The following ESYT3 variants were observed in gnomAD, a reference collection of about 807,000 sequenced individuals.
ESYT3 encodes extended synaptotagmin 3.
ESYT3 carries 101 observed loss-of-function variants against 111.5 expected under a neutral mutation model. The ratio of observed to expected loss-of-function variants is 0.91; its 90% CI spans 0.77 to 1.07. The LOEUF is 1.07. ESYT3 is among the 50% of genes least tolerant of loss of function. The pLI is 0.00. For synonymous variants in ESYT3, 416 were observed against 446.8 expected, an observed-to-expected ratio of 0.93 and a Z score of 0.87; for missense variants, 1,097 against 1,109.4, an observed-to-expected ratio of 0.99 and a Z score of 0.16.
In ESYT3 at chr3:138,459,977, C is replaced by A. The variant is rs773289775; in HGVS notation, c.681C>A (p.Pro227=). Residue 227 remains proline, a synonymous_variant, in exon 6 of 23, where the codon CCC becomes CCA. Coordinates refer to ENST00000389567, the MANE Select transcript of ESYT3 (RefSeq NM_031913.5). ...LQGTLRVILE[P]LLVDKPFVGA... is the part of the protein sequence containing the mutation. The stretch of plus-strand genomic sequence containing the variant: ...GCACCCTGCGGGTCATCCTGGAGCC[C>A]CTCCTAGTGGACAAGCCCTTTGTGG... The A allele has an allele frequency of 6.2e-7, 1 of 1,614,098 alleles. No individual in the cohort carries two copies. The highest frequency in any genetic ancestry group is 8.5e-7 in the Non-Finnish European group (1 of 1,179,980).
intron 2 of ESYT3, among the ~76,000 whole-genome samples, chr3:138,453,646 G>A (rs1477630905): frequency 6.6e-6 from 1 of 152,190 alleles, no homozygotes; most frequent in South Asian, 2.1e-4. Context: ...CCAACGCCTT[G>A]TGTAGGCCTC....
chr3:138,465,717 G>C (rs2032894877), intron 10 of ESYT3, among the ~76,000 whole-genome samples: 1 of 152,136 alleles, frequency 6.6e-6, no homozygotes, highest in African/African-American at 2.4e-5. Context: ...TCCCCATTTG[G>C]AGTAGTAGAC....
At chr3:138,441,552 C>G (rs1019292383) in intron 1 of ESYT3, among the ~76,000 whole-genome samples, 2 of 152,076 alleles carry the variant, frequency 1.3e-5, no homozygotes, top group East Asian at 1.9e-4. Flanking sequence ...ATGAGCTGCC[C>G]CCTGAAGACC....
At chr3:138,447,755 T>G (rs995764384) in intron 1 of ESYT3, among the ~76,000 whole-genome samples, 18 of 152,190 alleles carry the variant, frequency 1.2e-4, no homozygotes, top group Admixed American at 1.0e-3. Flanking sequence ...TTGGAAAATT[T>G]GATCCTAAAT....
intron 3 of ESYT3, among the ~76,000 whole-genome samples, chr3:138,457,283 G>A (rs763087806): frequency 1.3e-5 from 2 of 152,304 alleles, no homozygotes; most frequent in Middle Eastern, 6.8e-3. Flanking sequence ...CGTGTAAAGG[G>A]AAAGGACCCA....
chr3:138,460,956 G>A (rs1283505777), intron 7 of ESYT3, among the ~76,000 whole-genome samples: 3 of 152,204 alleles, frequency 2.0e-5, no homozygotes, highest in Non-Finnish European at 4.4e-5. Context: ...TCAGGTCCCC[G>A]TCCTGGTGCA....
rs1339612353 is a variant in ESYT3 at position 138,479,814 on chromosome 3, C to A, written c.*2960C>A. The A allele has an allele frequency of 2.0e-5, 3 of 152,218 alleles. No individual in the cohort carries two copies. The highest frequency in any genetic ancestry group is 6.5e-5 in the Admixed American group (1 of 15,282). 9.4% of individuals were successfully genotyped at this position (152,218 alleles called of 1,614,324 possible). A position where few individuals can be genotyped will look rare whatever the true frequency, so the allele number is the denominator to read the frequency against. On this transcript the variant is annotated 3_prime_UTR_variant, in exon 23 of 23. Coordinates refer to ENST00000389567, the MANE Select transcript of ESYT3 (RefSeq NM_031913.5). ...TTTCTAACTTCCTTTCTTGTTCACTCTCCCTTACCCCTGGGGGTAAGGATC... is the reference window on the plus strand; with the variant it reads ...TTTCTAACTTCCTTTCTTGTTCACTATCCCTTACCCCTGGGGGTAAGGATC...
chr3:138,474,616 A>T (rs937180307), intron 20 of ESYT3: 2 of 299,120 alleles, frequency 6.7e-6, no homozygotes, highest in Admixed American at 9.5e-5. Context: ...TTCTGTTTAA[A>T]TGAAGTCTCT....
intron 2 of ESYT3, among the ~76,000 whole-genome samples, chr3:138,452,456 T>C (rs1024807907): frequency 1.3e-5 from 2 of 152,220 alleles, no homozygotes; most frequent in South Asian, 4.1e-4. Context: ...CTGTGCAGTC[T>C]TGGGCAGACT....
At chr3:138,467,445 C>T in intron 10 of ESYT3, 116 bp from the exon 11 acceptor site, 1 of 1,032,944 alleles carries the variant, frequency 9.7e-7, no homozygotes, top group Non-Finnish European at 1.5e-6. Context: ...GGGTAAGATC[C>T]TCTGTCTTAA....
intron 3 of ESYT3, among the ~76,000 whole-genome samples, chr3:138,457,160 ATTC>A (rs1253960286): frequency 9.2e-5 from 14 of 152,362 alleles, no homozygotes; most frequent in Middle Eastern, 3.4e-3. Context: ...TGCCATAAGC[ATTC>A]ATTCACCCCT....
intron 20 of ESYT3, 31 bp from the exon 21 acceptor site, chr3:138,476,192 A>G (rs2033471323): frequency 1.4e-6 from 2 of 1,388,424 alleles, no homozygotes; most frequent in Non-Finnish European, 1.0e-6. Context: ...AATGAAATGC[A>G]TAATTCTCAC....
intron 8 of ESYT3, among the ~76,000 whole-genome samples, chr3:138,463,252 G>A (rs2032747700): frequency 6.6e-6 from 1 of 152,078 alleles, no homozygotes; most frequent in Non-Finnish European, 1.5e-5. Context: ...ACACCACCAA[G>A]CCTGGCTAAT....
intron 1 of ESYT3, among the ~76,000 whole-genome samples, chr3:138,437,023 A>C (rs58205884): frequency 0.037 from 5,567 of 152,156 alleles, 328 homozygotes; most frequent in African/African-American, 0.13. Context: ...CCCCAGGAGC[A>C]ATATGGACCT....
Position 138,462,105 on chromosome 3 carries a change from C to G in ESYT3, c.814C>G (p.Leu272Val). The G allele has an allele frequency of 6.2e-7, 1 of 1,614,186 alleles. No homozygotes were observed. The highest frequency in any genetic ancestry group is 8.5e-7 in the Non-Finnish European group (1 of 1,180,026). Residue 272 changes from leucine to valine, a missense_variant, in exon 8 of 23, where the codon CTG becomes GTG. Physicochemically the swap from Leu to Val is conservative, Grantham distance 32. Transcript: ENST00000389567. Reference protein sequence around the residue: ...PGINDVSDSLLEDLIATHLVL... With the variant: ...PGINDVSDSLVEDLIATHLVL... ...GTCCAGTGATGTGTCAGACAGCTTA[C>G]TGGAGGACCTCATTGCCACCCACCT...
chr3:138,458,554 C>T (rs2032431341), intron 4 of ESYT3, among the ~76,000 whole-genome samples: 1 of 152,264 alleles, frequency 6.6e-6, no homozygotes, highest in Non-Finnish European at 1.5e-5. Flanking sequence ...TGTGTGCTGG[C>T]TGCCCCTCTC....
In ESYT3 at chr3:138,464,491, C is replaced by T; in HGVS notation, c.1062C>T (p.Asn354=). The T allele has an allele frequency of 6.2e-7, 1 of 1,614,092 alleles. No individual in the cohort carries two copies. Among genetic ancestry groups the T allele is most frequent in the Non-Finnish European group, 8.5e-7 (1 of 1,180,004 alleles). Residue 354 remains asparagine (N), a synonymous_variant, in exon 9 of 23, where the codon AAC becomes AAT. Coordinates refer to ENST00000389567, the MANE Select transcript of ESYT3 (RefSeq NM_031913.5). Reference sequence around the variant, plus strand: ...GTAGGACCATCTACAGGAACCTGAACCCCACCTGGAACGAAGTGTTTGAGG... The same window carrying T: ...GTAGGACCATCTACAGGAACCTGAATCCCACCTGGAACGAAGTGTTTGAGG... ...FRSRTIYRNL[N]PTWNEVFEFM... is the part of the protein sequence containing the mutation.
intron 1 of ESYT3, among the ~76,000 whole-genome samples, chr3:138,442,083 T>G (rs1340621116): frequency 6.6e-6 from 1 of 152,016 alleles, no homozygotes; most frequent in Non-Finnish European, 1.5e-5. Context: ...TGTATTTACT[T>G]TTTAACATAA....
Position 138,462,174 on chromosome 3 carries a change from G to T in ESYT3, c.883G>T (p.Asp295Tyr). 6.2e-7 allele frequency: 1 copy of T among 1,614,206 alleles called. No individual in the cohort carries two copies. Among genetic ancestry groups the T allele is most frequent in the Non-Finnish European group, 8.5e-7 (1 of 1,180,044 alleles). Residue 295 changes from aspartate to tyrosine, a missense_variant, in exon 8 of 23, where the codon GAT becomes TAT. Physicochemically the swap from Asp to Tyr is radical, Grantham distance 160. Coordinates refer to ENST00000389567, the MANE Select transcript of ESYT3 (RefSeq NM_031913.5). ...RVTVPVKKGL[D>Y]LTNLRFPLPC... ...GACTGTGCCTGTGAAGAAGGGGCTG[G>T]ATCTGACCAACCTGCGCTTCCCTCT...
Sources: allele counts gnomAD v4.1 joint callset (sites outside exome capture counted in the v4.1 genomes callset), GRCh38; gene constraint gnomAD v4.1.1; transcripts MANE v1.5; gene names NCBI Gene and HGNC (gene_info 2026-07-23, HGNC 2026-07-21).